Variants in SUPT3H observed in about 807,000 individuals in gnomAD.
SUPT3H encodes the protein SPT3 homolog, SAGA and STAGA complex component, also known as transcription initiation protein SPT3 homolog.
SUPT3H carries 44 observed loss-of-function variants against 44.3 expected under a neutral mutation model. The ratio of observed to expected loss-of-function variants is 0.99; its 90% CI spans 0.78 to 1.28. SUPT3H has a LOEUF of 1.28. SUPT3H is among the 50% of genes most tolerant of loss of function. The pLI, the probability that SUPT3H is intolerant of heterozygous loss-of-function variation, is 0.00. For synonymous variants in SUPT3H, 124 were observed against 125.6 expected (o/e 0.99, Z 0.09); for missense variants, 380 against 387.1 (o/e 0.98, Z 0.15).
intron 2 of SUPT3H, among the ~76,000 whole-genome samples, chr6:45,298,224 G>A (rs1016395709): frequency 1.8e-4 from 27 of 152,150 alleles, no homozygotes; most frequent in African/African-American, 5.8e-4. Context: ...ATAGGAACAC[G>A]AACACAGAAG....
At chr6:45,361,767 G>A (rs990451659) in intron 2 of SUPT3H, 14 of 152,262 alleles carry the variant, frequency 9.2e-5, no homozygotes, top group African/African-American at 3.4e-4. Context: ...CTGTAAGAAG[G>A]GGCCAGGCAC....
chr6:45,128,583 CAT>C lies in SUPT3H; in HGVS notation c.102-22579_102-22578del, dbSNP rs1321593426. Among the ~76,000 whole-genome samples the C allele has an allele frequency of 5.5e-3, 597 of 109,164 alleles. 6 individuals are homozygous for C. The highest frequency in any genetic ancestry group is 0.019 in the African/African-American group (504 of 26,082). The allele number at this position is 109,164 out of a possible 152,430, so 71.6% of individuals were successfully genotyped here. A position where few individuals can be genotyped will look rare whatever the true frequency, so the allele number is the denominator to read the frequency against. On this transcript the variant is annotated intron_variant, in intron 2 of 10. Coordinates refer to ENST00000371459, the MANE Select transcript of SUPT3H (RefSeq NM_003599.4). Reference sequence around the variant, plus strand: ...ACACACACACACACACACACACACACATACACATATATATATATACACACATA... The same window carrying C: ...ACACACACACACACACACACACACACACACATATATATATATACACACATA...
At chr6:45,375,163 C>T (rs533406876) in intron 1 of SUPT3H, among the ~76,000 whole-genome samples, 2 of 152,288 alleles carry the variant, frequency 1.3e-5, no homozygotes, top group South Asian at 4.1e-4. Context: ...GCTGAGATCG[C>T]ACCATTGTAC....
At chr6:45,029,385 G>T (rs1346281877) in intron 3 of SUPT3H, among the ~76,000 whole-genome samples, 1 of 150,260 alleles carries the variant, frequency 6.7e-6, no homozygotes, top group African/African-American at 2.4e-5. Context: ...ATATGTGTGT[G>T]TACATATATT....
At chr6:44,904,829 C>T (rs1462946519) in intron 10 of SUPT3H, among the ~76,000 whole-genome samples, 1 of 152,062 alleles carries the variant, frequency 6.6e-6, no homozygotes, top group Non-Finnish European at 1.5e-5. Flanking sequence ...GAGATATAGA[C>T]CAATAGAACA....
intron 10 of SUPT3H, among the ~76,000 whole-genome samples, chr6:44,924,013 C>T (rs920195420): frequency 1.3e-5 from 2 of 152,010 alleles, no homozygotes; most frequent in Non-Finnish European, 2.9e-5. Context: ...CCTCAGATGA[C>T]GGAGATTTTC....
intron 3 of SUPT3H, among the ~76,000 whole-genome samples, chr6:45,030,165 G>A (rs1786688973): frequency 6.6e-6 from 1 of 152,144 alleles, no homozygotes; most frequent in South Asian, 2.1e-4. Flanking sequence ...AACGACAGAA[G>A]CGTACCTTGA....
chr6:45,034,388 G>C (rs1583178935), intron 3 of SUPT3H, among the ~76,000 whole-genome samples: 1 of 151,926 alleles, frequency 6.6e-6, no homozygotes, highest in East Asian at 1.9e-4. Flanking sequence ...ACACAGAAAA[G>C]AACAAAGGGT....
chr6:45,233,801 C>G (rs1470216568), intron 2 of SUPT3H, among the ~76,000 whole-genome samples: 1 of 152,128 alleles, frequency 6.6e-6, no homozygotes, highest in Non-Finnish European at 1.5e-5. Context: ...AACCCACATT[C>G]CTAACCACTA....
At chr6:45,088,883 C>T (rs904291475) in intron 3 of SUPT3H, among the ~76,000 whole-genome samples, 1 of 151,948 alleles carries the variant, frequency 6.6e-6, no homozygotes, top group Non-Finnish European at 1.5e-5. Context: ...TATACCCATA[C>T]TGAACTATTG....
intron 2 of SUPT3H, among the ~76,000 whole-genome samples, chr6:45,191,439 G>A (rs1055294139): frequency 2.6e-5 from 4 of 152,078 alleles, no homozygotes; most frequent in African/African-American, 9.7e-5. Context: ...GGTGGAGCAC[G>A]CGGGATTTTT....
chr6:45,029,765 T>A (rs1053554442), intron 3 of SUPT3H, among the ~76,000 whole-genome samples: 5 of 152,208 alleles, frequency 3.3e-5, no homozygotes, highest in African/African-American at 9.7e-5. Context: ...ATAACTGTTT[T>A]AAAATTTTTC....
chr6:45,307,366 C>T (rs1409648993), intron 2 of SUPT3H, among the ~76,000 whole-genome samples: 2 of 152,178 alleles, frequency 1.3e-5, no homozygotes, highest in African/African-American at 4.8e-5. Flanking sequence ...GGAGGCACCC[C>T]CCAGTAGGGG....
At chr6:45,204,408 G>A (rs1186093617) in intron 2 of SUPT3H, among the ~76,000 whole-genome samples, 1 of 152,052 alleles carries the variant, frequency 6.6e-6, no homozygotes, top group Non-Finnish European at 1.5e-5. Flanking sequence ...AAGATACACA[G>A]GTTATCACAG....
intron 6 of SUPT3H, among the ~76,000 whole-genome samples, chr6:44,992,496 T>C (rs1384591443): frequency 6.6e-6 from 1 of 152,156 alleles, no homozygotes; most frequent in Non-Finnish European, 1.5e-5. Context: ...GCAATCATTA[T>C]TCCAATGCTT....
chr6:45,139,564 T>C (rs76259272), intron 2 of SUPT3H, among the ~76,000 whole-genome samples: 3 of 25,632 alleles, frequency 1.2e-4, no homozygotes, highest in African/African-American at 1.1e-3. Flanking sequence ...AGAAAAACTG[T>C]GAGTTCCCAA....
chr6:45,059,061 T>C (rs925204672), intron 3 of SUPT3H, among the ~76,000 whole-genome samples: 1 of 152,148 alleles, frequency 6.6e-6, no homozygotes, highest in Non-Finnish European at 1.5e-5. Flanking sequence ...TTACTAATCT[T>C]TGCTTTCCTT....
chr6:45,034,261 G>T (rs1448262123), intron 3 of SUPT3H, among the ~76,000 whole-genome samples: 1 of 151,828 alleles, frequency 6.6e-6, no homozygotes, highest in African/African-American at 2.4e-5. Flanking sequence ...ACCTGATAGG[G>T]ATACAACCAA....
intron 10 of SUPT3H, among the ~76,000 whole-genome samples, chr6:44,869,373 T>C (rs1775993752): frequency 6.6e-6 from 1 of 152,180 alleles, no homozygotes; most frequent in Non-Finnish European, 1.5e-5. Context: ...TGCTGCTAAA[T>C]GCTGGGTGAC....
Sources: allele counts gnomAD v4.1 joint callset (sites outside exome capture counted in the v4.1 genomes callset), GRCh38; gene constraint gnomAD v4.1.1; transcripts MANE v1.5; gene names NCBI Gene and HGNC (gene_info 2026-07-23, HGNC 2026-07-21).